GRM7: variants seen among roughly 807,000 people sequenced by gnomAD.
GRM7 encodes glutamate metabotropic receptor 7.
Under a neutral mutation model 84.5 loss-of-function variants are expected in GRM7, and 35 were observed. The ratio of observed to expected loss-of-function variants is 0.41; its 90% confidence interval spans 0.32 to 0.55. The LOEUF is 0.55. Among genes scored for constraint, GRM7 ranks in the 20% least tolerant of loss-of-function variants. GRM7 has a pLI of 0.19. For synonymous variants in GRM7, 487 were observed against 455.1 expected, an observed-to-expected ratio of 1.07 and a Z score of -0.89; for missense variants, 1,003 against 1,194.6, an observed-to-expected ratio of 0.84 and a Z score of 2.36.
chr3:7,130,565 A>G (rs1344837495), intron 1 of GRM7, among the ~76,000 whole-genome samples: 3 of 150,924 alleles, frequency 2.0e-5, no homozygotes, highest in Admixed American at 2.0e-4. Flanking sequence ...GAAAAGAAAA[A>G]AAAAAAGGAT....
chr3:7,690,367 T>A (rs1281199205), intron 9 of GRM7, among the ~76,000 whole-genome samples: 3 of 152,080 alleles, frequency 2.0e-5, no homozygotes, highest in African/African-American at 7.2e-5. Context: ...CGGGAAACAT[T>A]TATAAGTGAA....
chr3:7,229,735 ATATATATATATATATATATATATATTTTT>A lies in GRM7; in HGVS notation c.737-68947_737-68919del, dbSNP rs1559514520. Among the ~76,000 whole-genome samples, 17 of 23,616 alleles carry A rather than the reference ATATATATATATATATATATATATATTTTT, an allele frequency of 7.2e-4. 2 individuals are homozygous for A. The highest frequency in any genetic ancestry group is 2.3e-3 in the African/African-American group (17 of 7,550). The allele number at this position is 23,616 out of a possible 152,430, so 15.5% of individuals were successfully genotyped here. A position where few individuals can be genotyped will look rare whatever the true frequency, so the allele number is the denominator to read the frequency against. On this transcript the variant is annotated intron_variant, in intron 2 of 9. Transcript: ENST00000357716. ...TCTCCATAGACACACACATATATAT[ATATATATATATATATATATATATATTTTT>A]TTTTTTTTTTGGTTGACAGGTGTTG...
At chr3:7,123,306 T>A (rs9873572) in intron 1 of GRM7, among the ~76,000 whole-genome samples, 80,542 of 152,106 alleles carry the variant, frequency 0.53, 22,972 homozygotes, top group African/African-American at 0.75. Context: ...CCATCCTGAC[T>A]GGCTTCTGTG....
At position 6,950,193 on chromosome 3, in the gene GRM7, A is replaced by G. The variant is rs185411051; in HGVS notation, c.519+88286A>G. On this transcript the variant is annotated intron_variant, in intron 1 of 9. Coordinates refer to ENST00000357716, the MANE Select transcript of GRM7 (RefSeq NM_000844.4). ...TTCCCCATCTTTGTGGTTTTTATCTACCTTTGGTCTTTGATGATGGTGATG... is the reference window on the plus strand; with the variant it reads ...TTCCCCATCTTTGTGGTTTTTATCTGCCTTTGGTCTTTGATGATGGTGATG... 7.9e-5 allele frequency among the ~76,000 whole-genome samples: 12 copies of G among 151,880 alleles called. No homozygotes were observed. The East Asian group carries it at 2.1e-3, about 27-fold the overall frequency.
intron 2 of GRM7, among the ~76,000 whole-genome samples, chr3:7,152,768 C>T (rs1341857930): frequency 6.6e-6 from 1 of 152,136 alleles, no homozygotes; most frequent in Non-Finnish European, 1.5e-5. Context: ...ACATCTATTT[C>T]CATTGATAAA....
At chr3:7,189,591 T>G (rs1384758274) in intron 2 of GRM7, among the ~76,000 whole-genome samples, 1 of 152,156 alleles carries the variant, frequency 6.6e-6, no homozygotes, top group East Asian at 1.9e-4. Flanking sequence ...CAACAGCTGA[T>G]TATAGATAGA....
At chr3:7,480,638 G>T (rs17719515) in intron 7 of GRM7, among the ~76,000 whole-genome samples, 1,653 of 152,312 alleles carry the variant, frequency 0.011, 11 homozygotes, top group Non-Finnish European at 0.018. Context: ...GTGATTCATT[G>T]TAAGTATTGC....
chr3:7,172,740 A>C (rs1184950335), intron 2 of GRM7, among the ~76,000 whole-genome samples: 1 of 152,112 alleles, frequency 6.6e-6, no homozygotes, highest in Non-Finnish European at 1.5e-5. Flanking sequence ...CCTTTGAAGG[A>C]TTACATCCAG....
chr3:7,216,018 A>AAT (rs1373731576), intron 2 of GRM7, among the ~76,000 whole-genome samples: 1 of 152,230 alleles, frequency 6.6e-6, no homozygotes, highest in East Asian at 1.9e-4. Flanking sequence ...TTTAAAAAAC[A>AAT]ATATATAGTC....
At chr3:7,519,269 G>A (rs1228872158) in intron 7 of GRM7, among the ~76,000 whole-genome samples, 8 of 152,066 alleles carry the variant, frequency 5.3e-5, no homozygotes, top group African/African-American at 1.9e-4. Flanking sequence ...GGCTGAGGCA[G>A]GAGAATCGCT....
chr3:7,175,690 A>G (rs1252184092), intron 2 of GRM7, among the ~76,000 whole-genome samples: 1 of 152,044 alleles, frequency 6.6e-6, no homozygotes, highest in African/African-American at 2.4e-5. Flanking sequence ...GGCAGGTGCC[A>G]TCACTCCTAG....
chr3:7,205,139 C>A (rs986379450), intron 2 of GRM7, among the ~76,000 whole-genome samples: 1 of 152,192 alleles, frequency 6.6e-6, no homozygotes, highest in African/African-American at 2.4e-5. Flanking sequence ...TTTGTCCTTT[C>A]ATAATTTAAG....
Position 7,417,709 on chromosome 3 carries a change from A to G in GRM7, c.1174+2546A>G, listed in dbSNP as rs60727378. 5.3e-3 allele frequency among the ~76,000 whole-genome samples: 801 copies of G among 152,262 alleles called. 6 individuals are homozygous for G. Among genetic ancestry groups the G allele is most frequent in the South Asian group, 0.023 (112 of 4,824 alleles). On this transcript the variant is annotated intron_variant, in intron 5 of 9. Coordinates refer to ENST00000357716, the MANE Select transcript of GRM7 (RefSeq NM_000844.4). ...CTGTGACTTGGCTCTGCTAAAGAAA[A>G]AGGAAGTCTTATTAATATAACATTC...
intron 2 of GRM7, among the ~76,000 whole-genome samples, chr3:7,275,716 C>T (rs2124985264): frequency 1.3e-5 from 2 of 152,208 alleles, no homozygotes; most frequent in East Asian, 3.9e-4. Context: ...TAACAGAATG[C>T]TCTAGTGGTA....
chr3:7,393,162 A>G (rs888014241), intron 4 of GRM7, among the ~76,000 whole-genome samples: 2 of 152,140 alleles, frequency 1.3e-5, no homozygotes, highest in African/African-American at 2.4e-5. Flanking sequence ...CCAGGAACGC[A>G]TGGCCATGCC....
At chr3:6,899,519 C>G (rs1161724229) in intron 1 of GRM7, among the ~76,000 whole-genome samples, 3 of 152,048 alleles carry the variant, frequency 2.0e-5, no homozygotes, top group Admixed American at 6.6e-5. Flanking sequence ...AAAGGAGAGG[C>G]AGGAAAAGGT....
At chr3:6,958,550 G>A (rs1559352404) in intron 1 of GRM7, among the ~76,000 whole-genome samples, 1 of 151,902 alleles carries the variant, frequency 6.6e-6, no homozygotes, top group African/African-American at 2.4e-5. Context: ...ATCTAGGAGT[G>A]GAATTTCTGG....
At chr3:7,092,604 G>C (rs1017402453) in intron 1 of GRM7, among the ~76,000 whole-genome samples, 228 of 149,890 alleles carry the variant, frequency 1.5e-3, no homozygotes, top group Non-Finnish European at 2.9e-3. Context: ...TTGAATTGGG[G>C]GGGGGGCAAT....
chr3:6,903,276 G>A (rs115214657), intron 1 of GRM7, among the ~76,000 whole-genome samples: 2,075 of 147,366 alleles, frequency 0.014, 48 homozygotes, highest in African/African-American at 0.049. Context: ...TAGCATTATT[G>A]CATTCTTTGA....
Sources: allele counts gnomAD v4.1 joint callset (sites outside exome capture counted in the v4.1 genomes callset), GRCh38; gene constraint gnomAD v4.1.1; transcripts MANE v1.5; gene names NCBI Gene and HGNC (gene_info 2026-07-23, HGNC 2026-07-21).